TBX15: variants seen among roughly 807,000 people sequenced by gnomAD.
TBX15 encodes the protein T-box transcription factor 15.
A neutral mutation model predicts 53.9 loss-of-function variants in TBX15; 18 were observed. The observed-to-expected ratio is 0.33, with a 90% CI of 0.23 to 0.49. TBX15 has a LOEUF of 0.49. Ranked by LOEUF, TBX15 falls within the 20% of genes least tolerant of loss-of-function variation. TBX15 has a pLI of 0.98. For missense variants in TBX15, 692 were observed against 749.5 expected, an observed-to-expected ratio of 0.92 and a Z score of 0.90; for synonymous variants, 295 against 278.0, an observed-to-expected ratio of 1.06 and a Z score of -0.61.
chr1:118,896,657 T>TA (rs1475154129), intron 7 of TBX15, among the ~76,000 whole-genome samples: 12 of 152,174 alleles, frequency 7.9e-5, no homozygotes, highest in African/African-American at 2.7e-4. Flanking sequence ...GGAATTGCTG[T>TA]AAAAAATAGC....
intron 5 of TBX15, among the ~76,000 whole-genome samples, chr1:118,923,119 C>T (rs1410713651): frequency 6.6e-6 from 1 of 151,764 alleles, no homozygotes; most frequent in Non-Finnish European, 1.5e-5. Flanking sequence ...TTACAGTTTT[C>T]TGTATGGACC....
chr1:118,975,609 T>C (rs1413772211), intron 1 of TBX15, among the ~76,000 whole-genome samples: 2 of 152,204 alleles, frequency 1.3e-5, no homozygotes, highest in Non-Finnish European at 2.9e-5. Flanking sequence ...CAACTGTGGG[T>C]GAGCTATTTA....
chr1:118,985,121 G>A (rs1657786327), intron 1 of TBX15, among the ~76,000 whole-genome samples: 1 of 152,124 alleles, frequency 6.6e-6, no homozygotes, highest in Non-Finnish European at 1.5e-5. Flanking sequence ...GTGTGTGTGT[G>A]TTTCATTCTT....
chr1:118,964,094 A>G (rs1656964383), intron 1 of TBX15, among the ~76,000 whole-genome samples: 1 of 152,250 alleles, frequency 6.6e-6, no homozygotes, highest in Admixed American at 6.5e-5. Flanking sequence ...TGACCCACAG[A>G]ATCAGGAGCA....
At chr1:118,988,806 G>C (rs1159115692), upstream of TBX15, among the ~76,000 whole-genome samples, 1 of 152,230 alleles carries the variant, frequency 6.6e-6, no homozygotes, top group East Asian at 1.9e-4. Flanking sequence ...TCGCCACACA[G>C]GTTTTAATGT....
intron 5 of TBX15, 110 bp downstream of exon 5, chr1:118,923,326 A>G (rs1472634318): frequency 7.3e-7 from 1 of 1,362,492 alleles, no homozygotes; most frequent in East Asian, 2.4e-5. Context: ...TTAGTGGACT[A>G]AGGGTTGTTG....
In TBX15 at chr1:118,884,738, C is replaced by A. The variant is rs1335529216; in HGVS notation, c.1803G>T (p.Met601Ile). ...GTGGTGTTTGGACTGGCCTTTAAACCATGTGCACGGACATCTGGGAGGAGG... is the reference window on the plus strand; with the variant it reads ...GTGGTGTTTGGACTGGCCTTTAAACAATGTGCACGGACATCTGGGAGGAGG... ...PGSSSQMSVH[M>I]V is the part of the protein sequence containing the mutation. Residue 601 changes from methionine (M) to isoleucine (I), a missense_variant, in exon 8 of 8, where the codon ATG (methionine) becomes ATT (isoleucine). By Grantham distance (10) the Met-to-Ile change is conservative. Coordinates refer to ENST00000369429, the MANE Select transcript of TBX15 (RefSeq NM_001330677.2). 3 of 1,613,982 alleles carry A rather than the reference C, an allele frequency of 1.9e-6. No individual in the cohort carries two copies. The highest frequency in any genetic ancestry group is 2.5e-6 in the Non-Finnish European group (3 of 1,179,990).
intron 1 of TBX15, among the ~76,000 whole-genome samples, chr1:118,964,297 G>T (rs189418605): frequency 6.6e-6 from 1 of 152,306 alleles, no homozygotes; most frequent in Non-Finnish European, 1.5e-5. Flanking sequence ...CCATGCTTTA[G>T]CATCCTATTT....
intron 7 of TBX15, among the ~76,000 whole-genome samples, chr1:118,885,817 C>T (rs775164359): frequency 6.6e-6 from 1 of 152,122 alleles, no homozygotes; most frequent in South Asian, 2.1e-4. Flanking sequence ...ATAAAAATAA[C>T]AATAAACCTT....
chr1:118,966,015 C>T (rs1463149912), intron 1 of TBX15, among the ~76,000 whole-genome samples: 2 of 152,144 alleles, frequency 1.3e-5, no homozygotes, highest in Non-Finnish European at 2.9e-5. Flanking sequence ...CTTTATGCTT[C>T]TCACTGTTCA....
intron 2 of TBX15, 84 bp downstream of exon 2, chr1:118,931,535 C>T (rs1260902086): frequency 1.4e-6 from 2 of 1,473,720 alleles, no homozygotes; most frequent in Non-Finnish European, 1.9e-6. Flanking sequence ...GATGCCATCA[C>T]AAATAAATAA....
intron 6 of TBX15, among the ~76,000 whole-genome samples, chr1:118,910,278 G>A (rs1654987296): frequency 6.6e-6 from 1 of 152,176 alleles, no homozygotes; most frequent in Non-Finnish European, 1.5e-5. Flanking sequence ...TTAAGCCCAT[G>A]TGTGTTTAAA....
chr1:118,939,407 C>CAAAAAAA (rs869094141), intron 1 of TBX15, among the ~76,000 whole-genome samples: 116 of 8,796 alleles, frequency 0.013, 12 homozygotes, highest in Non-Finnish European at 0.016. Context: ...GATCTAGTCT[C>CAAAAAAA]AAAAAAAAAA....
rs1051767809 is a variant in TBX15, at chr1:118,893,639, AAG to A, written c.1024+5387_1024+5388del. Among the ~76,000 whole-genome samples, 20 of 151,528 alleles carry A rather than the reference AAG, an allele frequency of 1.3e-4. No homozygotes were observed. The East Asian group carries it at 1.6e-3, about 12-fold the overall frequency. On this transcript the variant is annotated intron_variant, in intron 7 of 7. Coordinates refer to ENST00000369429, the MANE Select transcript of TBX15 (RefSeq NM_001330677.2). Reference sequence around the variant, plus strand: ...AGAGAGAGAGAAAGAAAAAGAAAGAAAGAAAGGGAGGGAGGGAAGGAAGGAAA... The same window carrying A: ...AGAGAGAGAGAAAGAAAAAGAAAGAAAAAGGGAGGGAGGGAAGGAAGGAAA...
At chr1:118,907,017 T>C (rs1654857749) in intron 6 of TBX15, among the ~76,000 whole-genome samples, 1 of 152,204 alleles carries the variant, frequency 6.6e-6, no homozygotes, top group South Asian at 2.1e-4. Flanking sequence ...GTTATAGAAT[T>C]TGAGTTTCTG....
intron 3 of TBX15, 100 bp downstream of exon 3, chr1:118,926,410 G>A: frequency 9.6e-7 from 1 of 1,043,110 alleles, no homozygotes. Flanking sequence ...CTTGTTCTCT[G>A]TACAGCATGC....
intron 2 of TBX15, 93 bp downstream of exon 2, chr1:118,931,526 A>G: frequency 7.3e-7 from 1 of 1,367,802 alleles, no homozygotes; most frequent in South Asian, 1.2e-5. Flanking sequence ...GGTTTTGTTG[A>G]TGCCATCACA....
chr1:118,988,576 G>T (rs970035102), upstream of TBX15, among the ~76,000 whole-genome samples: 2 of 152,184 alleles, frequency 1.3e-5, no homozygotes, highest in Non-Finnish European at 1.5e-5. Context: ...GTTGAGGTCT[G>T]ATCTGCGCCT....
chr1:118,916,681 T>C (rs1655234032), intron 5 of TBX15, among the ~76,000 whole-genome samples: 1 of 151,950 alleles, frequency 6.6e-6, no homozygotes, highest in Admixed American at 6.6e-5. Context: ...CTGGGAAACA[T>C]GATGAAACAC....
Sources: gnomAD v4.1 joint callset for allele counts (sites outside exome capture counted in the v4.1 genomes callset) on GRCh38, gnomAD v4.1.1 for gene constraint, MANE v1.5 for transcripts, NCBI Gene and HGNC (gene_info 2026-07-23, HGNC 2026-07-21) for gene names.